The following BICC1 variants were observed in gnomAD, a reference collection of about 807,000 sequenced individuals.
The protein encoded by BICC1 is BicC family RNA binding protein 1.
Under a neutral mutation model 111.0 loss-of-function variants are expected in BICC1, and 43 were observed. That is an observed-to-expected ratio of 0.39 (90% CI 0.30 to 0.50). The LOEUF (loss-of-function observed/expected upper bound fraction) is 0.50. Among genes scored for constraint, BICC1 ranks in the 20% least tolerant of loss-of-function variants. The pLI is 0.88. For synonymous variants in BICC1, 467 were observed against 434.4 expected (o/e 1.07, Z -0.93); for missense variants, 1,091 against 1,203.2 (o/e 0.91, Z 1.38).
chr10:58,519,559 CTTATG>C (rs1842336183), intron 1 of BICC1, among the ~76,000 whole-genome samples: 1 of 152,168 alleles, frequency 6.6e-6, no homozygotes, highest in African/African-American at 2.4e-5. Context: ...TCTGTAGGAA[CTTATG>C]TTATTCAGTA....
At chr10:58,568,983 T>C (rs1589106600) in intron 1 of BICC1, among the ~76,000 whole-genome samples, 1 of 152,192 alleles carries the variant, frequency 6.6e-6, no homozygotes, top group East Asian at 1.9e-4. Context: ...AAGATTTTTG[T>C]AAAAAGACAA....
At chr10:58,743,315 C>G (rs1841728385) in intron 3 of BICC1, among the ~76,000 whole-genome samples, 2 of 151,930 alleles carry the variant, frequency 1.3e-5, no homozygotes. Context: ...TCATCAATAC[C>G]AGTCTGGCTG....
At chr10:58,792,905 C>T (rs953736507) in intron 8 of BICC1, among the ~76,000 whole-genome samples, 2 of 151,824 alleles carry the variant, frequency 1.3e-5, no homozygotes, top group African/African-American at 4.8e-5. Flanking sequence ...GTCTGTGGTA[C>T]CAGAAAGGTT....
At chr10:58,583,711 A>G (rs1404495963) in intron 1 of BICC1, among the ~76,000 whole-genome samples, 3 of 151,634 alleles carry the variant, frequency 2.0e-5, no homozygotes, top group Non-Finnish European at 4.4e-5. Flanking sequence ...GTAGTTGCAA[A>G]TTGTGCTGTT....
chr10:58,554,024 G>T (rs368158225), intron 1 of BICC1, among the ~76,000 whole-genome samples: 5 of 152,038 alleles, frequency 3.3e-5, no homozygotes, highest in East Asian at 1.9e-4. Context: ...TGTAGAAGAA[G>T]AATTTTATTT....
chr10:58,539,868 A>G (rs1842916794), intron 1 of BICC1, among the ~76,000 whole-genome samples: 1 of 151,958 alleles, frequency 6.6e-6, no homozygotes, highest in Non-Finnish European at 1.5e-5. Flanking sequence ...TCTTCAGGAT[A>G]TATCACATGG....
chr10:58,755,741 G>A (rs562421593), intron 3 of BICC1, among the ~76,000 whole-genome samples: 2 of 150,926 alleles, frequency 1.3e-5, no homozygotes, highest in African/African-American at 4.9e-5. Context: ...ATGAATTTCA[G>A]TTGGGTTTTG....
At chr10:58,637,535 A>G (rs141947795) in intron 2 of BICC1, among the ~76,000 whole-genome samples, 2 of 152,158 alleles carry the variant, frequency 1.3e-5, no homozygotes, top group Non-Finnish European at 2.9e-5. Flanking sequence ...TCTGATGTTC[A>G]TTGTCTTCCC....
At chr10:58,697,680 T>C (rs1311275269) in intron 2 of BICC1, among the ~76,000 whole-genome samples, 2 of 152,172 alleles carry the variant, frequency 1.3e-5, no homozygotes, top group Non-Finnish European at 2.9e-5. Context: ...ACTTGCTTAC[T>C]GCCCTATCTC....
chr10:58,673,684 C>T (rs1323956868), intron 2 of BICC1, among the ~76,000 whole-genome samples: 1 of 152,022 alleles, frequency 6.6e-6, no homozygotes, highest in Non-Finnish European at 1.5e-5. Flanking sequence ...TGCAGTGGCA[C>T]GATCTTAGCT....
In BICC1 at chr10:58,646,675, C is replaced by T. The variant is rs566472327; in HGVS notation, c.237+25774C>T. 3.3e-5 allele frequency among the ~76,000 whole-genome samples: 5 copies of T among 152,094 alleles called. No individual in the cohort carries two copies. The East Asian group carries it at 5.8e-4, about 18-fold the overall frequency. ...TAGAACTTCTTAGGAAACTCATAGC[C>T]GAAATGACGGGAGAAACAATTTTAT... On this transcript the variant is annotated intron_variant, in intron 2 of 20. Coordinates refer to ENST00000373886, the MANE Select transcript of BICC1 (RefSeq NM_001080512.3).
chr10:58,604,106 C>G (rs766219338), intron 1 of BICC1, among the ~76,000 whole-genome samples: 32 of 152,124 alleles, frequency 2.1e-4, no homozygotes, highest in Admixed American at 7.2e-4. Flanking sequence ...TTCTGCACTT[C>G]CAAGAAGACT....
intron 3 of BICC1, among the ~76,000 whole-genome samples, chr10:58,740,383 G>T (rs891230075): frequency 6.6e-6 from 1 of 152,138 alleles, no homozygotes; most frequent in Non-Finnish European, 1.5e-5. Context: ...GCTGTTCCCT[G>T]AAACTCCTTT....
chr10:58,807,972 T>A (rs1216801814), intron 17 of BICC1, among the ~76,000 whole-genome samples: 1 of 152,128 alleles, frequency 6.6e-6, no homozygotes, highest in Non-Finnish European at 1.5e-5. Context: ...AAGGGTTTCA[T>A]AATTGTTAGT....
At chr10:58,787,160 T>C (rs1015622762) in intron 5 of BICC1, 79 bp downstream of exon 5, 39 of 1,336,478 alleles carry the variant, frequency 2.9e-5, no homozygotes, top group Non-Finnish European at 3.8e-5. Flanking sequence ...ATCTTTTTTT[T>C]CTGAGAGGTG....
intron 1 of BICC1, among the ~76,000 whole-genome samples, chr10:58,579,409 C>T (rs531794838): frequency 1.3e-5 from 2 of 152,200 alleles, no homozygotes; most frequent in Admixed American, 1.3e-4. Context: ...CTAGAATTGT[C>T]TTCACCAAAG....
In BICC1 at chr10:58,786,984, A is replaced by G; in HGVS notation, c.449A>G (p.Lys150Arg). ...ACAGAACATTCACATGTAATCGGCA[A>G]AGGTGGCAACAATATTAAAAAAGTG... The part of the protein sequence containing the change: ...SHTEHSHVIG[K>R]GGNNIKKVME... The change falls in exon 5 of 21, where the codon AAA becomes AGA. Residue 150 changes from lysine to arginine, a missense_variant. Coordinates refer to ENST00000373886, the MANE Select transcript of BICC1 (RefSeq NM_001080512.3). 1 of 1,610,642 alleles carries G rather than the reference A, an allele frequency of 6.2e-7. No homozygotes were observed.
chr10:58,604,510 A>G (rs1254048171), intron 1 of BICC1, among the ~76,000 whole-genome samples: 1 of 152,000 alleles, frequency 6.6e-6, no homozygotes, highest in African/African-American at 2.4e-5. Context: ...AATACAAAAA[A>G]ATTAGCCAGG....
intron 3 of BICC1, among the ~76,000 whole-genome samples, chr10:58,750,641 C>G (rs2893783): frequency 6.6e-6 from 1 of 151,972 alleles, no homozygotes; most frequent in South Asian, 2.1e-4. Flanking sequence ...ATCCTACAGT[C>G]AATAAAATAT....
Sources: gnomAD v4.1 joint callset for allele counts (sites outside exome capture counted in the v4.1 genomes callset) on GRCh38, gnomAD v4.1.1 for gene constraint, MANE v1.5 for transcripts, NCBI Gene and HGNC (gene_info 2026-07-23, HGNC 2026-07-21) for gene names.